JAK1: variants seen among roughly 807,000 people sequenced by gnomAD.
The protein encoded by JAK1 is Janus kinase 1, also known as tyrosine-protein kinase JAK1.
In JAK1, 16 loss-of-function variants were observed where a neutral mutation model predicts 136.6. The ratio of observed to expected loss-of-function variants is 0.12; its 90% CI spans 0.08 to 0.18. The LOEUF is 0.18. Among genes scored for constraint, JAK1 ranks in the 10% least tolerant of loss-of-function variants. The probability of loss-of-function intolerance (pLI) is 1.00; values close to 1 mark genes in which losing one functional copy is unlikely to be tolerated. For missense variants in JAK1, 859 were observed against 1,450.1 expected (o/e 0.59, Z 6.62); for synonymous variants, 492 against 519.5 (o/e 0.95, Z 0.72).
At chr1:64,991,428 C>CCA (rs1379979210) in intron 2 of JAK1, 1 of 152,264 alleles carries the variant, frequency 6.6e-6, no homozygotes, top group African/African-American at 2.4e-5. Context: ...TGCATGCACA[C>CCA]TGTGATATTT....
upstream of JAK1, among the ~76,000 whole-genome samples, chr1:64,970,019 C>A (rs1557735752): frequency 6.7e-6 from 1 of 149,826 alleles, no homozygotes; most frequent in Non-Finnish European, 1.5e-5. Flanking sequence ...GCCTGTGGTC[C>A]CAGCTACTCA....
intron 1 of JAK1, among the ~76,000 whole-genome samples, chr1:64,905,736 CTA>C (rs1557680240): frequency 6.6e-6 from 1 of 152,182 alleles, no homozygotes; most frequent in Non-Finnish European, 1.5e-5. Context: ...TCCCTTACTC[CTA>C]TATTTAGTCA....
At chr1:64,845,108 T>C (rs183630678) in intron 15 of JAK1, among the ~76,000 whole-genome samples, 23 of 152,256 alleles carry the variant, frequency 1.5e-4, no homozygotes, top group East Asian at 5.8e-4. Context: ...ACGTATCTCA[T>C]TGGGCTTCGT....
chr1:65,036,289 C>T (rs1254974838), intron 2 of JAK1, among the ~76,000 whole-genome samples: 2 of 151,874 alleles, frequency 1.3e-5, no homozygotes, highest in Non-Finnish European at 2.9e-5. Context: ...TTAAAACTTA[C>T]CCAGGAATAG....
chr1:64,843,820 G>A (rs1655057220), intron 17 of JAK1, among the ~76,000 whole-genome samples: 1 of 152,104 alleles, frequency 6.6e-6, no homozygotes, highest in Non-Finnish European at 1.5e-5. Context: ...CACTCTATAT[G>A]CATTATTTAA....
intron 1 of JAK1, among the ~76,000 whole-genome samples, chr1:65,065,268 A>ATC (rs1232377796): frequency 1.3e-5 from 2 of 152,204 alleles, no homozygotes; most frequent in African/African-American, 4.8e-5. Flanking sequence ...GGGAAAACTC[A>ATC]GAGTGTTACT....
At chr1:65,044,681 G>C (rs2100843391) in intron 1 of JAK1, among the ~76,000 whole-genome samples, 1 of 152,332 alleles carries the variant, frequency 6.6e-6, no homozygotes, top group South Asian at 2.1e-4. Flanking sequence ...GCTGGTGGCT[G>C]TTTGTAGCCA....
In JAK1 at chr1:64,985,037, CA is replaced by C. The variant is rs903649261; in HGVS notation, c.-78+59442del. 134 of 865,402 alleles carry C rather than the reference CA, an allele frequency of 1.5e-4. No homozygotes were observed. The Admixed American group carries it at 2.3e-3, about 15-fold the overall frequency. 53.6% of individuals were successfully genotyped at this position (865,402 alleles called of 1,614,324 possible). ...TCCCATTACACTCATCCTTCAATAA[CA>C]AACAAACAGACATGAGGATGGAACA... On this transcript the variant is annotated intron_variant, in intron 2 of 25. Coordinates refer to the JAK1 transcript ENST00000671954.
intron 9 of JAK1, among the ~76,000 whole-genome samples, chr1:64,858,341 T>G (rs570387966): frequency 6.6e-6 from 1 of 152,322 alleles, no homozygotes; most frequent in African/African-American, 2.4e-5. Flanking sequence ...AATACATCCC[T>G]GCATGAGGTG....
intron 2 of JAK1, chr1:64,987,199 T>G (rs1365006335): frequency 6.6e-6 from 1 of 152,210 alleles, no homozygotes; most frequent in Admixed American, 6.5e-5. Context: ...TTGCATGTAC[T>G]TTTCTACTTT....
rs1646910011 is a variant in JAK1, at chr1:65,018,503, C to CAA, written c.-78+25976_-78+25977insTT. On this transcript the variant is annotated intron_variant, in intron 2 of 25. Transcript: ENST00000671954. ...GAGAGAGAGAACACACACACACACA[C>CAA]ACACACACACACACGCTATCAGGAG... 2.0e-5 allele frequency among the ~76,000 whole-genome samples: 3 copies of CAA among 148,308 alleles called. No individual in the cohort carries two copies. The Admixed American group carries it at 2.0e-4, about 10-fold the overall frequency.
intron 2 of JAK1, chr1:64,985,034 TAACA>T (rs1254823744): frequency 3.5e-5 from 30 of 863,998 alleles, no homozygotes; most frequent in Admixed American, 2.4e-4. Flanking sequence ...CATCCTTCAA[TAACA>T]AACAAACAGA....
intron 1 of JAK1, among the ~76,000 whole-genome samples, chr1:64,949,487 C>T (rs1254934605): frequency 6.6e-6 from 1 of 152,228 alleles, no homozygotes; most frequent in Non-Finnish European, 1.5e-5. Context: ...ATCCTCACTA[C>T]AACTTCACAT....
At chr1:64,887,796 G>A (rs548641333) in intron 1 of JAK1, among the ~76,000 whole-genome samples, 3 of 152,312 alleles carry the variant, frequency 2.0e-5, no homozygotes, top group African/African-American at 7.2e-5. Flanking sequence ...CTCAGCAAAA[G>A]GATCAGCATG....
intron 1 of JAK1, among the ~76,000 whole-genome samples, chr1:64,950,903 TA>T (rs890381950): frequency 6.6e-6 from 1 of 152,226 alleles, no homozygotes; most frequent in African/African-American, 2.4e-5. Context: ...GCAAGTCACT[TA>T]AACACTCTGA....
chr1:64,880,840 G>T (rs752749979), intron 3 of JAK1, among the ~76,000 whole-genome samples: 1 of 152,054 alleles, frequency 6.6e-6, no homozygotes, highest in Non-Finnish European at 1.5e-5. Context: ...CCAGCTATTC[G>T]GGAGGCTAAG....
chr1:65,047,697 C>A (rs1222657393), intron 1 of JAK1, among the ~76,000 whole-genome samples: 6 of 149,598 alleles, frequency 4.0e-5, no homozygotes, highest in African/African-American at 1.2e-4. Context: ...CCAGCCCGGG[C>A]AACAGAGCGA....
intron 1 of JAK1, among the ~76,000 whole-genome samples, chr1:64,954,877 AT>A (rs1283772489): frequency 2.0e-5 from 3 of 152,162 alleles, no homozygotes; most frequent in African/African-American, 7.2e-5. Flanking sequence ...TACAGATCAC[AT>A]TTTTTCTTTT....
chr1:64,960,090 T>C (rs1168612284), intron 1 of JAK1, among the ~76,000 whole-genome samples: 1 of 152,148 alleles, frequency 6.6e-6, no homozygotes, highest in Non-Finnish European at 1.5e-5. Context: ...AGCTGGGTAT[T>C]GTGGCACATG....
Sources: allele counts gnomAD v4.1 joint callset (sites outside exome capture counted in the v4.1 genomes callset), GRCh38; gene constraint gnomAD v4.1.1; transcripts MANE v1.5; gene names NCBI Gene and HGNC (gene_info 2026-07-23, HGNC 2026-07-21).